SLIT1: variants seen among roughly 807,000 people sequenced by gnomAD.
The protein encoded by SLIT1 is slit guidance ligand 1.
A neutral mutation model predicts 186.1 loss-of-function variants in SLIT1; 66 were observed. The observed-to-expected ratio is 0.35, with a 90% confidence interval of 0.29 to 0.44. SLIT1 has a LOEUF of 0.44. Among genes scored for constraint, SLIT1 ranks in the 20% least tolerant of loss-of-function variants. SLIT1 has a pLI of 1.00. For missense variants in SLIT1, 1,638 were observed against 2,037.4 expected, an observed-to-expected ratio of 0.80 and a Z score of 3.77; for synonymous variants, 761 against 833.8, an observed-to-expected ratio of 0.91 and a Z score of 1.50.
rs1465078964 is a variant in SLIT1, at chr10:97,043,726, G to A, written c.1854-213C>T. Among the ~76,000 whole-genome samples, 1 of 152,154 alleles carries A rather than the reference G, an allele frequency of 6.6e-6. No homozygotes were observed. The highest frequency in any genetic ancestry group is 1.5e-5 in the Non-Finnish European group (1 of 68,024). On this transcript the variant is annotated intron_variant, in intron 18 of 36. Transcript: ENST00000266058. This position sits in a 1 kb window ranked among gnomAD's most constrained non-coding sequence, Gnocchi z 7.0. ...CCAGACCCGCCCCCGCCTCTGAGAA[G>A]CCTCGAGGCTCTGTCTCTCTCTCCC... is the stretch of plus-strand genomic sequence containing the variant.
At chr10:97,185,008 C>T (rs1473286519) in intron 1 of SLIT1, among the ~76,000 whole-genome samples, 1 of 152,366 alleles carries the variant, frequency 6.6e-6, no homozygotes, top group East Asian at 1.9e-4. Flanking sequence ...TCCATCCCAC[C>T]CTGCTGCCCT....
At chr10:97,030,397 G>A (rs575644183) in intron 25 of SLIT1, among the ~76,000 whole-genome samples, 5 of 152,238 alleles carry the variant, frequency 3.3e-5, no homozygotes, top group East Asian at 3.9e-4. Flanking sequence ...GTGCAGCTTT[G>A]GGCAAGCATC....
At position 97,006,688 on chromosome 10, in the gene SLIT1, G is replaced by C; in HGVS notation, c.3374C>G (p.Pro1125Arg). ...GQLCEIPPHL[P>R]APKSPCEGTE... ...CCCCTCACAGGGGCTCTTGGGGGCA[G>C]GCAGATGGGGAGGGATCTCACAGAG... The change falls in exon 32 of 37, where the codon CCT becomes CGT. Residue 1125 changes from proline (P) to arginine (R), a missense_variant. By Grantham distance (103) the Pro-to-Arg change is moderately radical. Coordinates refer to ENST00000266058, the MANE Select transcript of SLIT1 (RefSeq NM_003061.3). The surrounding 1 kb of genome is among the most constrained non-coding windows in gnomAD (Gnocchi z 4.0). 1 of 1,614,086 alleles carries C rather than the reference G, an allele frequency of 6.2e-7. No homozygotes were observed. Among genetic ancestry groups the C allele is most frequent in the Non-Finnish European group, 8.5e-7 (1 of 1,179,970 alleles).
At position 97,004,615 on chromosome 10, in the gene SLIT1, C is replaced by T. The variant is rs912208813; in HGVS notation, c.3710+78G>A. ...AGGTTTCTAGAGGTCTCGATAACCA[C>T]CTGCTTTTGGCCCAGGAGACCTCGC... On this transcript the variant is annotated intron_variant, in intron 33 of 36. Coordinates refer to ENST00000266058, the MANE Select transcript of SLIT1 (RefSeq NM_003061.3). This position sits in a 1 kb window ranked among gnomAD's most constrained non-coding sequence, Gnocchi z 5.1. 10 of 1,560,230 alleles carry T rather than the reference C, an allele frequency of 6.4e-6. No individual in the cohort carries two copies. The highest frequency in any genetic ancestry group is 8.8e-6 in the Non-Finnish European group (10 of 1,136,746).
At chr10:97,165,671 C>T (rs1254412844) in intron 1 of SLIT1, among the ~76,000 whole-genome samples, 3 of 152,128 alleles carry the variant, frequency 2.0e-5, no homozygotes, top group African/African-American at 4.8e-5. Flanking sequence ...AGAGGAGAAA[C>T]CGAGGGCCAG....
rs1332683189 is a variant in SLIT1 at position 97,006,949 on chromosome 10, GA to G, written c.3342-230del. On this transcript the variant is annotated intron_variant, in intron 31 of 36. Transcript: ENST00000266058. The surrounding 1 kb of genome is among the most constrained non-coding windows in gnomAD (Gnocchi z 4.0). ...GTCAACATTACCTGGACACTTGATA[GA>G]AATGGCAAACCCACTGAATCTGCTT... Among the ~76,000 whole-genome samples, 1 of 152,222 alleles carries G rather than the reference GA, an allele frequency of 6.6e-6. No homozygotes were observed. The highest frequency in any genetic ancestry group is 1.5e-5 in the Non-Finnish European group (1 of 68,038).
At chr10:97,093,368 TA>T (rs1474672372) in intron 4 of SLIT1, among the ~76,000 whole-genome samples, 6 of 152,266 alleles carry the variant, frequency 3.9e-5, no homozygotes, top group Non-Finnish European at 8.8e-5. Flanking sequence ...TTACATTTCC[TA>T]CTTCCCTTGC....
chr10:97,111,804 A>G (rs1251313771), intron 4 of SLIT1, among the ~76,000 whole-genome samples: 1 of 152,136 alleles, frequency 6.6e-6, no homozygotes, highest in Non-Finnish European at 1.5e-5. Context: ...CCGTACCCAG[A>G]TGGCCCACCA....
chr10:97,002,207 C>A lies in SLIT1; in HGVS notation c.4317G>T (p.Gly1439=). The A allele has an allele frequency of 6.3e-7, 1 of 1,576,474 alleles. No homozygotes were observed. Residue 1439 remains glycine, a synonymous_variant, in exon 36 of 37, where the codon GGG becomes GGT. Transcript: ENST00000266058. ...HGHCQASGTK[G]AHCVCDPGFS... is the part of the protein sequence containing the mutation. ...AGCCGGGGTCACACACACAGTGTGCCCCCTTGGTGCCTGAGGCCTGGCAGT... is the reference window on the plus strand; with the variant it reads ...AGCCGGGGTCACACACACAGTGTGCACCCTTGGTGCCTGAGGCCTGGCAGT...
intron 1 of SLIT1, among the ~76,000 whole-genome samples, chr10:97,177,836 C>A (rs1163389823): frequency 6.6e-6 from 1 of 152,098 alleles, no homozygotes; most frequent in Non-Finnish European, 1.5e-5. Context: ...ATTAGCCAGA[C>A]ATGGTGGTAG....
intron 17 of SLIT1, 51 bp from the exon 18 acceptor site, chr10:97,046,848 C>T (rs1201404600): frequency 6.3e-7 from 1 of 1,598,902 alleles, no homozygotes; most frequent in Non-Finnish European, 8.5e-7. Flanking sequence ...GCCAGGAGCT[C>T]AGGCCCCTCC....
chr10:97,042,329 A>G (rs559790171), intron 20 of SLIT1, among the ~76,000 whole-genome samples: 100 of 152,232 alleles, frequency 6.6e-4, no homozygotes, highest in African/African-American at 2.3e-3. Context: ...GAGAGACACT[A>G]AGGATGGGAT....
intron 4 of SLIT1, among the ~76,000 whole-genome samples, chr10:97,157,019 A>G (rs1191619058): frequency 6.6e-6 from 1 of 152,228 alleles, no homozygotes; most frequent in Non-Finnish European, 1.5e-5. Context: ...CAAAACTGAG[A>G]AATATGTAAG....
rs749389920 is a variant in SLIT1, at chr10:97,037,680, A to G, written c.2366+18T>C. 3.7e-6 allele frequency: 6 copies of G among 1,601,222 alleles called. No individual in the cohort carries two copies. The African/African-American group carries it at 6.7e-5, about 18-fold the overall frequency. On this transcript the variant is annotated intron_variant, in intron 22 of 36. Transcript: ENST00000266058. ...GATGCCAAAGGCCCTCCTGTCCTCAAGCGGCCTGGATACTTACACGAGCTG... is the reference window on the plus strand; with the variant it reads ...GATGCCAAAGGCCCTCCTGTCCTCAGGCGGCCTGGATACTTACACGAGCTG...
At chr10:97,016,687 C>T (rs1848457604) in intron 28 of SLIT1, among the ~76,000 whole-genome samples, 1 of 152,192 alleles carries the variant, frequency 6.6e-6, no homozygotes, top group Non-Finnish European at 1.5e-5. Context: ...TAGTTTTATT[C>T]TTAAATGTTA....
intron 11 of SLIT1, 58 bp downstream of exon 11, chr10:97,059,402 G>A: frequency 7.0e-7 from 1 of 1,429,820 alleles, no homozygotes. Context: ...CCTGGGCCCT[G>A]CCAGCCTCCT....
At chr10:97,177,136 T>C (rs958185274) in intron 1 of SLIT1, among the ~76,000 whole-genome samples, 2 of 152,164 alleles carry the variant, frequency 1.3e-5, no homozygotes, top group African/African-American at 4.8e-5. Context: ...AAGTTTCTGT[T>C]CCACTGCCCT....
intron 24 of SLIT1, among the ~76,000 whole-genome samples, chr10:97,031,238 TC>T (rs1848588173): frequency 6.6e-6 from 1 of 152,130 alleles, no homozygotes; most frequent in Non-Finnish European, 1.5e-5. Flanking sequence ...AGGGCTTTGA[TC>T]CCAGGGCAAA....
At position 97,043,362 on chromosome 10, in the gene SLIT1, GGA is replaced by G. The variant is rs771126650; in HGVS notation, c.1997+6_1997+7del. On this transcript the variant is annotated splice_donor_region_variant and intron_variant, in intron 19 of 36. Transcript: ENST00000266058. The surrounding 1 kb of genome is among the most constrained non-coding windows in gnomAD (Gnocchi z 7.0). ...CCCCCGCCCGCCTGTCCTGGAGGCCGGACTCACAGTGTGGAGAGGGACTGGAG... is the reference window on the plus strand; with the variant it reads ...CCCCCGCCCGCCTGTCCTGGAGGCCGCTCACAGTGTGGAGAGGGACTGGAG... 1.2e-6 allele frequency: 2 copies of G among 1,613,054 alleles called. No individual in the cohort carries two copies. The highest frequency in any genetic ancestry group is 1.7e-6 in the Non-Finnish European group (2 of 1,179,930).
Sources: gnomAD v4.1 joint callset for allele counts (sites outside exome capture counted in the v4.1 genomes callset) on GRCh38, gnomAD v4.1.1 for gene constraint, Gnocchi (gnomAD v3.1) non-coding constraint, MANE v1.5 for transcripts, NCBI Gene and HGNC (gene_info 2026-07-23, HGNC 2026-07-21) for gene names.